Variants in KCNIP4 observed in about 807,000 individuals in gnomAD.
KCNIP4 encodes potassium voltage-gated channel interacting protein 4, also known as Kv channel-interacting protein 4.
In KCNIP4, 12 loss-of-function variants were observed where a neutral mutation model predicts 34.0. The ratio of observed to expected loss-of-function variants is 0.35; its 90% CI spans 0.23 to 0.57. The LOEUF (loss-of-function observed/expected upper bound fraction) is 0.57, where lower values mean the gene tolerates loss of function less well. Among genes scored for constraint, KCNIP4 ranks in the 20% least tolerant of loss-of-function variants. The probability of loss-of-function intolerance (pLI) is 0.83; values close to 1 mark genes in which losing one functional copy is unlikely to be tolerated. For missense variants in KCNIP4, 238 were observed against 311.7 expected, an observed-to-expected ratio of 0.76 and a Z score of 1.78; for synonymous variants, 124 against 102.2, an observed-to-expected ratio of 1.21 and a Z score of -1.29.
chr4:21,062,266 G>T (rs541151698), intron 1 of KCNIP4, among the ~76,000 whole-genome samples: 3 of 152,150 alleles, frequency 2.0e-5, no homozygotes, highest in Admixed American at 6.6e-5. Flanking sequence ...ATTATACAGT[G>T]GCTCCTTATT....
intron 1 of KCNIP4, among the ~76,000 whole-genome samples, chr4:21,785,258 T>G (rs766126669): frequency 1.8e-3 from 30 of 16,670 alleles, no homozygotes; most frequent in Non-Finnish European, 5.7e-3. Flanking sequence ...TTTGTGCAGC[T>G]ATCACAATTA....
At chr4:21,689,897 G>T (rs1303921078) in intron 1 of KCNIP4, among the ~76,000 whole-genome samples, 1 of 151,742 alleles carries the variant, frequency 6.6e-6, no homozygotes, top group African/African-American at 2.4e-5. Flanking sequence ...CTACTGCAGG[G>T]TTTTATTCAC....
intron 1 of KCNIP4, among the ~76,000 whole-genome samples, chr4:21,211,330 A>G (rs911181036): frequency 1.3e-5 from 2 of 152,176 alleles, no homozygotes; most frequent in African/African-American, 4.8e-5. Flanking sequence ...ACAGACCTGT[A>G]CCAGTGTGTG....
chr4:21,521,729 C>G (rs1735544226), intron 1 of KCNIP4, among the ~76,000 whole-genome samples: 1 of 152,136 alleles, frequency 6.6e-6, no homozygotes, highest in South Asian at 2.1e-4. Context: ...TACTGAAATG[C>G]CTTCCTAAGT....
At chr4:21,326,204 T>C (rs1715018076) in intron 1 of KCNIP4, among the ~76,000 whole-genome samples, 1 of 151,778 alleles carries the variant, frequency 6.6e-6, no homozygotes. Context: ...TCTCCAGCTA[T>C]TACATTATTG....
At position 21,742,571 on chromosome 4, in the gene KCNIP4, A is replaced by G. The variant is rs903714484; in HGVS notation, c.61+206000T>C. Among the ~76,000 whole-genome samples, 5 of 152,198 alleles carry G rather than the reference A, an allele frequency of 3.3e-5. No individual in the cohort carries two copies. In the East Asian group the frequency reaches 7.7e-4, roughly 23 times the overall value. On this transcript the variant is annotated intron_variant, in intron 1 of 8. Transcript: ENST00000382152. ...TTTCAAGTTCCAATTACTTGTGACA[A>G]TGAAAAGATGGAGTTACTAAAACAT...
At chr4:21,683,330 CTAACAAAAATCTCATGAAGG>C (rs1381527903) in intron 1 of KCNIP4, among the ~76,000 whole-genome samples, 1 of 151,160 alleles carries the variant, frequency 6.6e-6, no homozygotes, top group Non-Finnish European at 1.5e-5. Flanking sequence ...CTTGCCTTTA[CTAACAAAAATCTCATGAAGG>C]TCGGACTATC....
chr4:21,681,873 C>CTTTTTTT (rs35681482), intron 1 of KCNIP4, among the ~76,000 whole-genome samples: 2 of 147,510 alleles, frequency 1.4e-5, no homozygotes, highest in African/African-American at 5.1e-5. Context: ...GAATGCCACA[C>CTTTTTTT]TTTTTTTTTT....
chr4:21,479,574 T>C (rs1731256844), intron 1 of KCNIP4, among the ~76,000 whole-genome samples: 1 of 152,126 alleles, frequency 6.6e-6, no homozygotes. Flanking sequence ...AAGCTTGCTC[T>C]TTACAACATG....
intron 1 of KCNIP4, among the ~76,000 whole-genome samples, chr4:21,143,160 T>A (rs777972129): frequency 1.3e-5 from 2 of 152,146 alleles, no homozygotes; most frequent in African/African-American, 2.4e-5. Flanking sequence ...AAGTCCTAAG[T>A]CAGTTGACCC....
At chr4:21,802,725 A>G (rs1721073481) in intron 1 of KCNIP4, among the ~76,000 whole-genome samples, 2 of 152,280 alleles carry the variant, frequency 1.3e-5, no homozygotes, top group South Asian at 4.1e-4. Flanking sequence ...GGATGAATGG[A>G]AGGCTGACCT....
chr4:21,769,776 G>C (rs948726164), intron 1 of KCNIP4, among the ~76,000 whole-genome samples: 1 of 151,466 alleles, frequency 6.6e-6, no homozygotes, highest in Non-Finnish European at 1.5e-5. Context: ...CTATTAATGG[G>C]CTAGCCATCT....
intron 3 of KCNIP4, among the ~76,000 whole-genome samples, chr4:20,797,156 T>C (rs1298709448): frequency 1.3e-5 from 2 of 152,364 alleles, no homozygotes; most frequent in East Asian, 3.9e-4. Flanking sequence ...TACATTTATA[T>C]TTGACTCATT....
chr4:21,529,051 C>T (rs1736435262), intron 1 of KCNIP4, among the ~76,000 whole-genome samples: 1 of 151,964 alleles, frequency 6.6e-6, no homozygotes, highest in Non-Finnish European at 1.5e-5. Flanking sequence ...CTGTTCTTTC[C>T]TCCTGCCCAG....
intron 1 of KCNIP4, among the ~76,000 whole-genome samples, chr4:21,221,608 C>G (rs573003207): frequency 6.6e-6 from 1 of 152,158 alleles, no homozygotes; most frequent in Non-Finnish European, 1.5e-5. Flanking sequence ...CACCTGGTCT[C>G]TCCCTTGACA....
chr4:20,978,958 T>C (rs1242829855), intron 1 of KCNIP4, among the ~76,000 whole-genome samples: 1 of 152,172 alleles, frequency 6.6e-6, no homozygotes, highest in African/African-American at 2.4e-5. Context: ...GTACTGGTAA[T>C]TATTAAAGTT....
At chr4:21,609,632 T>C (rs149072294) in intron 1 of KCNIP4, among the ~76,000 whole-genome samples, 29 of 152,284 alleles carry the variant, frequency 1.9e-4, no homozygotes, top group Middle Eastern at 3.4e-3. Context: ...AAGATGATAT[T>C]TCTTAACAAG....
chr4:21,237,149 T>G (rs1253397842), intron 1 of KCNIP4, among the ~76,000 whole-genome samples: 1 of 152,132 alleles, frequency 6.6e-6, no homozygotes, highest in East Asian at 1.9e-4. Flanking sequence ...AAACGGTTAA[T>G]CAGTAAATAA....
intron 1 of KCNIP4, among the ~76,000 whole-genome samples, chr4:21,873,006 T>C (rs767673981): frequency 6.6e-6 from 1 of 152,170 alleles, no homozygotes; most frequent in South Asian, 2.1e-4. Flanking sequence ...CCAATATTCA[T>C]GTATAGATTC....
Sources: gnomAD v4.1 joint callset for allele counts (sites outside exome capture counted in the v4.1 genomes callset) on GRCh38, gnomAD v4.1.1 for gene constraint, MANE v1.5 for transcripts, NCBI Gene and HGNC (gene_info 2026-07-23, HGNC 2026-07-21) for gene names.